The following NELL1 variants were observed in gnomAD, a reference collection of about 807,000 sequenced individuals.
The protein encoded by NELL1 is protein kinase C-binding protein NELL1.
A neutral mutation model predicts 107.4 loss-of-function variants in NELL1; 76 were observed. That is an observed-to-expected ratio of 0.71 (90% CI 0.59 to 0.86). The LOEUF (loss-of-function observed/expected upper bound fraction) is 0.86. Among genes scored for constraint, NELL1 ranks in the 40% least tolerant of loss-of-function variants. The pLI, the probability that NELL1 is intolerant of heterozygous loss-of-function variation, is 0.00. For missense variants in NELL1, 1,024 were observed against 1,005.5 expected, an observed-to-expected ratio of 1.02 and a Z score of -0.25; for synonymous variants, 353 against 341.2, an observed-to-expected ratio of 1.03 and a Z score of -0.38.
chr11:20,757,805 C>T (rs978005725), intron 2 of NELL1, among the ~76,000 whole-genome samples: 2 of 152,006 alleles, frequency 1.3e-5, no homozygotes, highest in African/African-American at 4.8e-5. Flanking sequence ...CCTTTTTTTG[C>T]AATTTTGGTA....
chr11:21,213,143 A>G (rs1311396544), intron 13 of NELL1, among the ~76,000 whole-genome samples: 2 of 152,162 alleles, frequency 1.3e-5, no homozygotes, highest in Non-Finnish European at 2.9e-5. Flanking sequence ...AAGAAAATGA[A>G]ATATCTAGTT....
At chr11:21,495,587 G>C (rs1854956629) in intron 15 of NELL1, among the ~76,000 whole-genome samples, 1 of 152,076 alleles carries the variant, frequency 6.6e-6, no homozygotes, top group Admixed American at 6.6e-5. Context: ...CTACCAAACA[G>C]TTTTGCACAG....
chr11:21,131,271 T>C (rs1855609744), intron 13 of NELL1, among the ~76,000 whole-genome samples: 1 of 152,210 alleles, frequency 6.6e-6, no homozygotes, highest in Admixed American at 6.5e-5. Flanking sequence ...ATATAGTTGT[T>C]TGGATTATTT....
At chr11:20,891,206 T>C (rs1314073819) in intron 5 of NELL1, among the ~76,000 whole-genome samples, 1 of 152,186 alleles carries the variant, frequency 6.6e-6, no homozygotes, top group Non-Finnish European at 1.5e-5. Context: ...GGGGCCAATA[T>C]TCAACATTCT....
chr11:20,792,967 A>G (rs2133992948), intron 3 of NELL1, among the ~76,000 whole-genome samples: 1 of 152,140 alleles, frequency 6.6e-6, no homozygotes, highest in African/African-American at 2.4e-5. Flanking sequence ...TAAAAAATAT[A>G]CATTGTATCT....
At chr11:21,318,535 G>C (rs183963638) in intron 14 of NELL1, among the ~76,000 whole-genome samples, 1 of 151,928 alleles carries the variant, frequency 6.6e-6, no homozygotes, top group South Asian at 2.1e-4. Flanking sequence ...GGCCCCACTC[G>C]AGAACTCCTT....
At chr11:21,554,446 A>G (rs577489405) in intron 16 of NELL1, among the ~76,000 whole-genome samples, 2 of 152,000 alleles carry the variant, frequency 1.3e-5, no homozygotes, top group East Asian at 3.9e-4. Flanking sequence ...GAGAATCAGA[A>G]TTCACGTGGA....
intron 2 of NELL1, among the ~76,000 whole-genome samples, chr11:20,724,129 C>G (rs1009490120): frequency 2.0e-5 from 3 of 152,158 alleles, no homozygotes; most frequent in African/African-American, 7.2e-5. Context: ...CCATTTTTCC[C>G]TCCTAGGCCT....
chr11:21,311,500 C>CTT (rs1240419410), intron 14 of NELL1, among the ~76,000 whole-genome samples: 1 of 152,052 alleles, frequency 6.6e-6, no homozygotes, highest in African/African-American at 2.4e-5. Context: ...ATTTTTATCT[C>CTT]TTTTTACACA....
rs553428623 is a variant in NELL1, at chr11:20,941,455, G to A, written c.1071+3596G>A. ...GTTAGTGAAGTTCAGAGTTCCTTGCGTTCTTTTCCCCCATTGGGTTCCAGT... is the reference window on the plus strand; with the variant it reads ...GTTAGTGAAGTTCAGAGTTCCTTGCATTCTTTTCCCCCATTGGGTTCCAGT... On this transcript the variant is annotated intron_variant, in intron 10 of 19. Coordinates refer to ENST00000357134, the MANE Select transcript of NELL1 (RefSeq NM_006157.5). Among the ~76,000 whole-genome samples the A allele has an allele frequency of 3.9e-5, 6 of 152,258 alleles. No individual in the cohort carries two copies. In the South Asian group the frequency reaches 6.2e-4, roughly 16 times the overall value.
chr11:21,436,989 T>A (rs1371471304), intron 15 of NELL1, among the ~76,000 whole-genome samples: 2 of 152,216 alleles, frequency 1.3e-5, no homozygotes, highest in Non-Finnish European at 2.9e-5. Context: ...TTGATATGAT[T>A]TAAATTTTTT....
rs193187743 is a variant in NELL1, at chr11:20,993,205, A to G, written c.1300+32645A>G. ...CCCCAGGCAGACTTAGATTTTCTCT[A>G]CTAAGTTTCATTTTATATCATCTAC... On this transcript the variant is annotated intron_variant, in intron 12 of 19. Coordinates refer to ENST00000357134, the MANE Select transcript of NELL1 (RefSeq NM_006157.5). 2.1e-3 allele frequency among the ~76,000 whole-genome samples: 317 copies of G among 152,216 alleles called. 1 individual carries two copies. The highest frequency in any genetic ancestry group is 3.6e-3 in the Non-Finnish European group (244 of 68,004).
chr11:21,305,317 A>T (rs555683575), intron 14 of NELL1, among the ~76,000 whole-genome samples: 2 of 152,060 alleles, frequency 1.3e-5, no homozygotes, highest in African/African-American at 4.8e-5. Flanking sequence ...TATTTATGGT[A>T]ATTGAATTTT....
At chr11:20,960,372 T>C in intron 11 of NELL1, 60 bp from the exon 12 acceptor site, 1 of 1,540,944 alleles carries the variant, frequency 6.5e-7, no homozygotes, top group Non-Finnish European at 8.9e-7. Flanking sequence ...ACATACTTTA[T>C]TTTGGGGAGT....
At chr11:21,118,066 T>C (rs1855279821) in intron 13 of NELL1, among the ~76,000 whole-genome samples, 1 of 152,042 alleles carries the variant, frequency 6.6e-6, no homozygotes, top group Admixed American at 6.6e-5. Flanking sequence ...ATAACCTTTT[T>C]TCAACAGCAG....
At chr11:21,358,335 A>G (rs572473850) in intron 14 of NELL1, among the ~76,000 whole-genome samples, 2 of 152,044 alleles carry the variant, frequency 1.3e-5, no homozygotes, top group South Asian at 4.2e-4. Flanking sequence ...AATGTTTTGT[A>G]GTTTTTCTTG....
rs369593748 is a variant in NELL1, at chr11:20,947,451, G to T, written c.1171+16G>T. Reference sequence around the variant, plus strand: ...GTCTGTAGAGGTAAGTGGGCTTGGTGGTGGGCCATGCGTGGGGTGAGGCTG... The same window carrying T: ...GTCTGTAGAGGTAAGTGGGCTTGGTTGTGGGCCATGCGTGGGGTGAGGCTG... On this transcript the variant is annotated intron_variant, in intron 11 of 19. Transcript: ENST00000357134. The T allele has an allele frequency of 6.9e-6, 11 of 1,594,818 alleles. No homozygotes were observed. Among genetic ancestry groups the T allele is most frequent in the Admixed American group, 5.0e-5 (3 of 59,958 alleles).
At chr11:21,492,377 C>T (rs1000337716) in intron 15 of NELL1, among the ~76,000 whole-genome samples, 16 of 152,048 alleles carry the variant, frequency 1.1e-4, no homozygotes, top group African/African-American at 3.9e-4. Flanking sequence ...CCATTTGACC[C>T]AGCCATCCCA....
At chr11:21,465,846 C>A (rs1297201031) in intron 15 of NELL1, among the ~76,000 whole-genome samples, 2 of 152,014 alleles carry the variant, frequency 1.3e-5, no homozygotes, top group Non-Finnish European at 2.9e-5. Flanking sequence ...TCAGAATAAC[C>A]CTGGTAACTT....
Sources: gnomAD v4.1 joint callset for allele counts (sites outside exome capture counted in the v4.1 genomes callset) on GRCh38, gnomAD v4.1.1 for gene constraint, MANE v1.5 for transcripts, NCBI Gene and HGNC (gene_info 2026-07-23, HGNC 2026-07-21) for gene names.